Variants in ARHGAP24 observed in about 807,000 individuals in gnomAD.
ARHGAP24 encodes the protein Rho GTPase activating protein 24.
ARHGAP24 carries 50 observed loss-of-function variants against 76.4 expected under a neutral mutation model. The ratio of observed to expected loss-of-function variants is 0.65; its 90% CI spans 0.52 to 0.83. ARHGAP24 has a LOEUF of 0.83. Ranked by LOEUF, ARHGAP24 falls within the 40% of genes least tolerant of loss-of-function variation. The pLI is 0.00. For synonymous variants in ARHGAP24, 345 were observed against 323.3 expected, an observed-to-expected ratio of 1.07 and a Z score of -0.72; for missense variants, 930 against 914.2, an observed-to-expected ratio of 1.02 and a Z score of -0.22.
At chr4:85,476,212 G>T (rs1413992405) in intron 1 of ARHGAP24, among the ~76,000 whole-genome samples, 1 of 151,670 alleles carries the variant, frequency 6.6e-6, no homozygotes, top group African/African-American at 2.4e-5. Context: ...ATGTAATATG[G>T]TCTCGTTTTT....
chr4:85,495,499 C>T (rs10023294), intron 1 of ARHGAP24, among the ~76,000 whole-genome samples: 7,367 of 142,126 alleles, frequency 0.052, 581 homozygotes, highest in African/African-American at 0.17. Flanking sequence ...TACAGGCGCC[C>T]GCCACCACGC....
At chr4:85,515,218 T>C (rs1724449364) in intron 1 of ARHGAP24, among the ~76,000 whole-genome samples, 1 of 152,172 alleles carries the variant, frequency 6.6e-6, no homozygotes, top group Non-Finnish European at 1.5e-5. Context: ...CAGAGAAGTA[T>C]TTTTGTTTTC....
At chr4:85,745,607 A>G (rs966096965) in intron 3 of ARHGAP24, among the ~76,000 whole-genome samples, 5 of 147,216 alleles carry the variant, frequency 3.4e-5, no homozygotes, top group African/African-American at 5.0e-5. Context: ...AAAAAAAACT[A>G]TAAGAAAATA....
intron 5 of ARHGAP24, among the ~76,000 whole-genome samples, chr4:85,956,966 G>T (rs557916844): frequency 6.6e-6 from 1 of 152,174 alleles, no homozygotes; most frequent in East Asian, 1.9e-4. Flanking sequence ...TTTATATCCC[G>T]ATCATAGTCC....
intron 3 of ARHGAP24, among the ~76,000 whole-genome samples, chr4:85,812,063 C>T (rs971652556): frequency 6.6e-6 from 1 of 152,082 alleles, no homozygotes; most frequent in Non-Finnish European, 1.5e-5. Flanking sequence ...GTAGTCCCAG[C>T]TACTCAGGAG....
At chr4:85,894,998 A>AAAAAAAAAAAG (rs1734083285) in intron 3 of ARHGAP24, among the ~76,000 whole-genome samples, 1 of 37,664 alleles carries the variant, frequency 2.7e-5, no homozygotes, top group Non-Finnish European at 5.1e-5. Flanking sequence ...ACAAAACAAA[A>AAAAAAAAAAAG]AGCAAAAAAA....
At chr4:85,946,987 A>T (rs1042353196) in intron 5 of ARHGAP24, among the ~76,000 whole-genome samples, 1 of 152,056 alleles carries the variant, frequency 6.6e-6, no homozygotes, top group East Asian at 1.9e-4. Flanking sequence ...GGCCTCACCA[A>T]CATCTGTTAT....
At chr4:85,890,075 C>G (rs1733802846) in intron 3 of ARHGAP24, among the ~76,000 whole-genome samples, 1 of 152,098 alleles carries the variant, frequency 6.6e-6, no homozygotes, top group African/African-American at 2.4e-5. Context: ...CAAAGATTCC[C>G]TGTTTTGAAA....
chr4:85,809,259 G>A (rs557645786), intron 3 of ARHGAP24, among the ~76,000 whole-genome samples: 62 of 151,988 alleles, frequency 4.1e-4, no homozygotes, highest in Admixed American at 1.2e-3. Context: ...TTTATATTAT[G>A]TACTAAAATG....
intron 3 of ARHGAP24, among the ~76,000 whole-genome samples, chr4:85,871,128 A>G (rs546211534): frequency 1.1e-4 from 17 of 152,230 alleles, no homozygotes; most frequent in African/African-American, 3.6e-4. Flanking sequence ...GTATAATTCT[A>G]TTATACAGTC....
chr4:85,503,986 T>C (rs1474616171), intron 1 of ARHGAP24, among the ~76,000 whole-genome samples: 3 of 152,256 alleles, frequency 2.0e-5, no homozygotes, highest in Admixed American at 1.3e-4. Flanking sequence ...CCAGTAGTCA[T>C]TCAGGAGCAG....
chr4:85,875,004 A>T (rs1226243291), intron 3 of ARHGAP24, among the ~76,000 whole-genome samples: 1 of 106,194 alleles, frequency 9.4e-6, no homozygotes, highest in African/African-American at 3.9e-5. Context: ...ATATATATTT[A>T]TATATAAGTT....
At chr4:85,552,156 T>G (rs894360662) in intron 1 of ARHGAP24, among the ~76,000 whole-genome samples, 11 of 152,160 alleles carry the variant, frequency 7.2e-5, no homozygotes, top group African/African-American at 2.4e-4. Context: ...CATGTGGGCA[T>G]TTAGCACTAT....
intron 5 of ARHGAP24, 89 bp from the exon 6 acceptor site, chr4:85,971,947 G>C (rs1215929972): frequency 1.3e-6 from 2 of 1,592,298 alleles, no homozygotes; most frequent in African/African-American, 2.7e-5. Context: ...AACTTGGATA[G>C]AATTCTGACT....
At chr4:85,558,258 AG>A (rs1333997269) in intron 1 of ARHGAP24, among the ~76,000 whole-genome samples, 1 of 152,172 alleles carries the variant, frequency 6.6e-6, no homozygotes, top group Admixed American at 6.5e-5. Flanking sequence ...CCTCAGAGAC[AG>A]GCTCTTGGAT....
intron 3 of ARHGAP24, among the ~76,000 whole-genome samples, chr4:85,890,047 G>T (rs1337272470): frequency 6.6e-6 from 1 of 151,900 alleles, no homozygotes; most frequent in South Asian, 2.1e-4. Context: ...CCATCATGCT[G>T]TCAGGGTTGT....
At chr4:85,532,458 C>A (rs1332038960) in intron 1 of ARHGAP24, among the ~76,000 whole-genome samples, 1 of 152,030 alleles carries the variant, frequency 6.6e-6, no homozygotes, top group Admixed American at 6.6e-5. Flanking sequence ...AATTATGTCT[C>A]TTTCTATATA....
intron 3 of ARHGAP24, among the ~76,000 whole-genome samples, chr4:85,852,062 TCTCCCCGTCA>T (rs1731265720): frequency 6.6e-6 from 1 of 152,196 alleles, no homozygotes; most frequent in South Asian, 2.1e-4. Context: ...TTGGTTCCAT[TCTCCCCGTCA>T]CTTTCAGGTA....
In ARHGAP24 at chr4:85,995,414, A is replaced by T. The variant is rs138513531; in HGVS notation, c.1760A>T (p.Asn587Ile). The T allele has an allele frequency of 2.0e-5, 32 of 1,612,344 alleles. No individual in the cohort carries two copies. The African/African-American group carries it at 2.7e-4, about 13-fold the overall frequency. Residue 587 changes from asparagine (N) to isoleucine (I), a missense_variant, in exon 9 of 10, where the codon AAC becomes ATC. Physicochemically the swap from Asn to Ile is moderately radical, Grantham distance 149. Coordinates refer to ENST00000395184, the MANE Select transcript of ARHGAP24 (RefSeq NM_001025616.3). ...CCAGAGCAAGACTTTTTTGGGGGGAACTTTGAGGACCCTGTTTTGGATGGG... is the reference window on the plus strand; with the variant it reads ...CCAGAGCAAGACTTTTTTGGGGGGATCTTTGAGGACCCTGTTTTGGATGGG... ...TCPEQDFFGG[N>I]FEDPVLDGPP...
Sources: gnomAD v4.1 joint callset for allele counts (sites outside exome capture counted in the v4.1 genomes callset) on GRCh38, gnomAD v4.1.1 for gene constraint, MANE v1.5 for transcripts, NCBI Gene and HGNC (gene_info 2026-07-23, HGNC 2026-07-21) for gene names.